VPS13A: variants seen among roughly 807,000 people sequenced by gnomAD.
The protein encoded by VPS13A is intermembrane lipid transfer protein VPS13A.
Under a neutral mutation model 390.9 loss-of-function variants are expected in VPS13A, and 264 were observed. The ratio of observed to expected loss-of-function variants is 0.68; its 90% CI spans 0.61 to 0.75. VPS13A has a LOEUF of 0.75. VPS13A is among the 30% of genes least tolerant of loss of function. The probability of loss-of-function intolerance (pLI) is 0.00; values close to 1 mark genes in which losing one functional copy is unlikely to be tolerated. For missense variants in VPS13A, 3,409 were observed against 3,733.9 expected, an observed-to-expected ratio of 0.91 and a Z score of 2.27; for synonymous variants, 1,231 against 1,227.1, an observed-to-expected ratio of 1.00 and a Z score of -0.07.
intron 23 of VPS13A, among the ~76,000 whole-genome samples, chr9:77,262,053 A>C (rs1000288391): frequency 5.9e-5 from 9 of 152,076 alleles, no homozygotes; most frequent in African/African-American, 2.2e-4. Context: ...TACTATTTTA[A>C]TTTCTGTTTT....
chr9:77,191,021 C>A (rs1264042537), intron 1 of VPS13A, among the ~76,000 whole-genome samples: 3 of 151,380 alleles, frequency 2.0e-5, no homozygotes, highest in Admixed American at 6.6e-5. Flanking sequence ...TTTCAAGGAA[C>A]CATCTTTTGT....
chr9:77,187,836 GA>G (rs1824435820), intron 1 of VPS13A, among the ~76,000 whole-genome samples: 2 of 152,242 alleles, frequency 1.3e-5, no homozygotes, highest in African/African-American at 4.8e-5. Flanking sequence ...GTACCCGATA[GA>G]TAGTTTTTTG....
chr9:77,408,084 T>C (rs933105356), intron 71 of VPS13A, among the ~76,000 whole-genome samples: 6 of 152,186 alleles, frequency 3.9e-5, no homozygotes, highest in African/African-American at 7.2e-5. Flanking sequence ...TTCTTGACTA[T>C]AGAATCTTGC....
intron 58 of VPS13A, among the ~76,000 whole-genome samples, chr9:77,360,321 C>T (rs1832072180): frequency 6.6e-6 from 1 of 152,020 alleles, no homozygotes; most frequent in Non-Finnish European, 1.5e-5. Flanking sequence ...CTCTGTATGA[C>T]AGTTTACTTA....
rs1554859893 is a variant in VPS13A at position 77,207,213 on chromosome 9, T to TTTTATATATATATA, written c.385+1135_385+1136insTTATATATATATAT. ...CTCTGTGTCTTGATTTATTTAGATA[T>TTTTATATATATATA]TATATATATATATATATATATATAT... On this transcript the variant is annotated intron_variant, in intron 5 of 71. Coordinates refer to ENST00000360280, the MANE Select transcript of VPS13A (RefSeq NM_033305.3). 8.6e-4 allele frequency among the ~76,000 whole-genome samples: 37 copies of TTTTATATATATATA among 43,124 alleles called. 1 individual carries two copies. Among genetic ancestry groups the TTTTATATATATATA allele is most frequent in the African/African-American group, 1.8e-3 (31 of 16,896 alleles). The allele number at this position is 43,124 out of a possible 152,430, so 28.3% of individuals were successfully genotyped here.
intron 68 of VPS13A, chr9:77,384,931 T>TCTG: frequency 7.8e-7 from 1 of 1,279,240 alleles, no homozygotes. Context: ...TAGCTTTGTA[T>TCTG]TGCATAGTTT....
intron 44 of VPS13A, among the ~76,000 whole-genome samples, chr9:77,322,735 A>G (rs1051458840): frequency 9.2e-5 from 14 of 152,106 alleles, no homozygotes; most frequent in Admixed American, 7.9e-4. Flanking sequence ...ATATTTACCA[A>G]TGTCTACCAA....
At chr9:77,391,078 G>A (rs1181337246) in intron 68 of VPS13A, among the ~76,000 whole-genome samples, 1 of 151,918 alleles carries the variant, frequency 6.6e-6, no homozygotes, top group Non-Finnish European at 1.5e-5. Context: ...ACAGCTAAAA[G>A]TGCAGTAAGT....
At chr9:77,261,991 C>T (rs1179263153) in intron 23 of VPS13A, among the ~76,000 whole-genome samples, 9 of 152,132 alleles carry the variant, frequency 5.9e-5, no homozygotes, top group Admixed American at 1.3e-4. Context: ...AAAAAAATGT[C>T]TTCTGGTTTT....
rs376570511 is a variant in VPS13A, at chr9:77,298,106, G to A, written c.3812+2260G>A. Among the ~76,000 whole-genome samples the A allele has an allele frequency of 8.5e-5, 13 of 152,236 alleles. No homozygotes were observed. In the East Asian group the frequency reaches 2.1e-3, roughly 25 times the overall value. On this transcript the variant is annotated intron_variant, in intron 33 of 71. Transcript: ENST00000360280. ...CTTCACTGAGATAAGACAGAACAAT[G>A]CAGAAAAACCCAGTAGAATAGAGAT... is the stretch of plus-strand genomic sequence containing the variant.
chr9:77,234,501 A>C (rs1824020209), intron 17 of VPS13A, among the ~76,000 whole-genome samples: 1 of 152,216 alleles, frequency 6.6e-6, no homozygotes, highest in African/African-American at 2.4e-5. Flanking sequence ...ACTTAGGCTA[A>C]GTATATTAAA....
chr9:77,239,207 G>A (rs1020703428), intron 19 of VPS13A, among the ~76,000 whole-genome samples: 2 of 151,888 alleles, frequency 1.3e-5, no homozygotes, highest in Admixed American at 6.6e-5. Flanking sequence ...GCTGGGCGCG[G>A]TGGCTCACAC....
At chr9:77,189,321 T>C (rs1488034469) in intron 1 of VPS13A, among the ~76,000 whole-genome samples, 1 of 152,122 alleles carries the variant, frequency 6.6e-6, no homozygotes, top group Non-Finnish European at 1.5e-5. Context: ...TTCAGTCTTC[T>C]GCATGTGGCT....
intron 35 of VPS13A, among the ~76,000 whole-genome samples, chr9:77,310,810 A>C (rs1021120893): frequency 2.0e-5 from 3 of 152,190 alleles, no homozygotes; most frequent in Non-Finnish European, 4.4e-5. Flanking sequence ...TTGATGTAAC[A>C]AGAAATAGAT....
At chr9:77,227,673 T>C (rs1048802306) in intron 16 of VPS13A, among the ~76,000 whole-genome samples, 188 bp downstream of exon 16, 2 of 151,184 alleles carry the variant, frequency 1.3e-5, no homozygotes, top group African/African-American at 4.8e-5. Context: ...TGCACCCTCA[T>C]GCTAGCTAAT....
chr9:77,217,182 A>G (rs1325112038), intron 10 of VPS13A, among the ~76,000 whole-genome samples: 3 of 152,184 alleles, frequency 2.0e-5, no homozygotes, highest in African/African-American at 7.2e-5. Flanking sequence ...AGAGAGTGAA[A>G]TGACGAGGGC....
At chr9:77,293,319 A>G in intron 31 of VPS13A, 22 bp from the exon 32 acceptor site, 1 of 1,585,366 alleles carries the variant, frequency 6.3e-7, no homozygotes, top group Non-Finnish European at 8.6e-7. Context: ...GGATTGTGAT[A>G]ATTAAATTTT....
intron 68 of VPS13A, chr9:77,389,985 G>A (rs1353222288): frequency 5.0e-6 from 3 of 596,146 alleles, no homozygotes; most frequent in Non-Finnish European, 4.2e-6. Context: ...TTCAAACACT[G>A]CCTTAATAGC....
intron 67 of VPS13A, among the ~76,000 whole-genome samples, chr9:77,372,249 C>G (rs919718120): frequency 4.6e-5 from 7 of 151,670 alleles, no homozygotes; most frequent in Non-Finnish European, 1.0e-4. Context: ...AATGGTTGAA[C>G]TAGTTTACAG....
Sources: gnomAD v4.1 joint callset for allele counts (sites outside exome capture counted in the v4.1 genomes callset) on GRCh38, gnomAD v4.1.1 for gene constraint, MANE v1.5 for transcripts, NCBI Gene and HGNC (gene_info 2026-07-23, HGNC 2026-07-21) for gene names.